DLGAP1: variants seen among roughly 807,000 people sequenced by gnomAD.
DLGAP1 encodes DLG associated protein 1, also known as disks large-associated protein 1.
A neutral mutation model predicts 90.8 loss-of-function variants in DLGAP1; 11 were observed. That is an observed-to-expected ratio of 0.12 (90% CI 0.08 to 0.20). The LOEUF is 0.20. Ranked by LOEUF, DLGAP1 falls within the 10% of genes least tolerant of loss-of-function variation. DLGAP1 has a pLI of 1.00. For synonymous variants in DLGAP1, 558 were observed against 540.7 expected (o/e 1.03, Z -0.44); for missense variants, 1,050 against 1,333.8 (o/e 0.79, Z 3.31).
At chr18:3,913,837 A>C (rs2072085757) in intron 3 of DLGAP1, among the ~76,000 whole-genome samples, 1 of 152,242 alleles carries the variant, frequency 6.6e-6, no homozygotes, top group African/African-American at 2.4e-5. Context: ...GGAACATTAC[A>C]TGAAACATTA....
At chr18:3,984,125 A>G (rs1432494295) in intron 3 of DLGAP1, 1 of 152,208 alleles carries the variant, frequency 6.6e-6, no homozygotes, top group Non-Finnish European at 1.5e-5. Flanking sequence ...GAAAATCCTA[A>G]GACAAAGCAC....
chr18:4,133,367 G>A (rs1163492257), intron 2 of DLGAP1, among the ~76,000 whole-genome samples: 3 of 152,160 alleles, frequency 2.0e-5, no homozygotes, highest in South Asian at 4.1e-4. Flanking sequence ...TTGCCTATCA[G>A]AACTATTTAG....
intron 2 of DLGAP1, among the ~76,000 whole-genome samples, chr18:4,120,836 A>G (rs563110577): frequency 6.7e-5 from 10 of 148,538 alleles, no homozygotes; most frequent in African/African-American, 2.0e-4. Flanking sequence ...TTATTAATTC[A>G]CCAAATATTT....
chr18:4,104,145 T>A (rs1247602021), intron 2 of DLGAP1, among the ~76,000 whole-genome samples: 1 of 151,966 alleles, frequency 6.6e-6, no homozygotes, highest in Non-Finnish European at 1.5e-5. Context: ...AATATAAAAA[T>A]TATTTGTTTC....
At chr18:4,354,887 CAAAAAAAAAAAAAAAAAAA>C (rs60379984) in intron 1 of DLGAP1, among the ~76,000 whole-genome samples, 16 of 23,874 alleles carry the variant, frequency 6.7e-4, no homozygotes, top group East Asian at 5.9e-3. Context: ...TTACTCTCAC[CAAAAAAAAAAAAAAAAAAA>C]AAAAAAAAAA....
intron 10 of DLGAP1, among the ~76,000 whole-genome samples, chr18:3,529,698 G>A (rs1254694429): frequency 6.6e-6 from 1 of 152,136 alleles, no homozygotes; most frequent in African/African-American, 2.4e-5. Flanking sequence ...AATGTGGGAA[G>A]TACCTGAAGG....
intron 3 of DLGAP1, among the ~76,000 whole-genome samples, chr18:3,936,334 T>C (rs529106771): frequency 6.6e-6 from 1 of 152,324 alleles, no homozygotes; most frequent in South Asian, 2.1e-4. Flanking sequence ...TGCTCTACAA[T>C]TTGCCCCCAA....
intron 3 of DLGAP1, among the ~76,000 whole-genome samples, chr18:3,891,509 C>T (rs989790109): frequency 6.6e-6 from 1 of 152,270 alleles, no homozygotes; most frequent in Admixed American, 6.5e-5. Flanking sequence ...TCCAGCTGCC[C>T]TAAGCCCTCA....
At chr18:4,263,373 T>C (rs554884358) in intron 1 of DLGAP1, among the ~76,000 whole-genome samples, 1 of 152,350 alleles carries the variant, frequency 6.6e-6, no homozygotes, top group Admixed American at 6.5e-5. Flanking sequence ...AAAATGCCCA[T>C]ATATGAGATT....
chr18:3,620,714 C>T (rs915338918), intron 7 of DLGAP1, among the ~76,000 whole-genome samples: 5 of 152,052 alleles, frequency 3.3e-5, no homozygotes, highest in African/African-American at 4.8e-5. Flanking sequence ...CCCACTACCA[C>T]GCCCGGCTGA....
At chr18:3,719,999 A>T (rs1275213442) in intron 7 of DLGAP1, among the ~76,000 whole-genome samples, 1 of 152,236 alleles carries the variant, frequency 6.6e-6, no homozygotes, top group African/African-American at 2.4e-5. Flanking sequence ...AGTCTTATCC[A>T]GAAATTCAGG....
At chr18:3,962,989 G>C (rs2073234893) in intron 3 of DLGAP1, among the ~76,000 whole-genome samples, 1 of 152,114 alleles carries the variant, frequency 6.6e-6, no homozygotes, top group Admixed American at 6.5e-5. Flanking sequence ...ATCTATTCAT[G>C]CTCATGTTGA....
intron 10 of DLGAP1, among the ~76,000 whole-genome samples, chr18:3,513,281 G>C (rs532870007): frequency 6.6e-6 from 1 of 152,252 alleles, no homozygotes; most frequent in South Asian, 2.1e-4. Flanking sequence ...TGTGATTTCT[G>C]TTTATTTATG....
At chr18:4,280,862 G>T (rs2145428396) in intron 1 of DLGAP1, 1 of 152,254 alleles carries the variant, frequency 6.6e-6, no homozygotes, top group Non-Finnish European at 1.5e-5. Context: ...CTTTGATAAA[G>T]AATTCTGAGA....
intron 7 of DLGAP1, among the ~76,000 whole-genome samples, chr18:3,670,076 G>GA (rs1404561539): frequency 6.6e-6 from 1 of 152,092 alleles, no homozygotes; most frequent in Non-Finnish European, 1.5e-5. Context: ...ATAACGATAG[G>GA]AAAAGAGTAT....
chr18:3,512,458 C>T (rs532356174), intron 10 of DLGAP1, among the ~76,000 whole-genome samples: 119 of 152,224 alleles, frequency 7.8e-4, no homozygotes, highest in Non-Finnish European at 1.2e-3. Context: ...TTATAAACTC[C>T]CCCACTTATA....
intron 1 of DLGAP1, among the ~76,000 whole-genome samples, chr18:4,243,989 A>C (rs2078600625): frequency 6.6e-6 from 1 of 152,198 alleles, no homozygotes; most frequent in South Asian, 2.1e-4. Flanking sequence ...CCCATGGTGT[A>C]ACTTCATCGA....
intron 3 of DLGAP1, among the ~76,000 whole-genome samples, chr18:3,982,167 G>A (rs569599771): frequency 6.6e-6 from 1 of 152,186 alleles, no homozygotes; most frequent in South Asian, 2.1e-4. Context: ...TCTTTTGAAA[G>A]AAAAAAATCA....
intron 1 of DLGAP1, among the ~76,000 whole-genome samples, chr18:4,406,537 C>T (rs2082668366): frequency 6.6e-6 from 1 of 152,160 alleles, no homozygotes; most frequent in South Asian, 2.1e-4. Context: ...ACTGAGAACA[C>T]TGAGGTTAAC....
Sources: gnomAD v4.1 joint callset for allele counts (sites outside exome capture counted in the v4.1 genomes callset) on GRCh38, gnomAD v4.1.1 for gene constraint, MANE v1.5 for transcripts, NCBI Gene and HGNC (gene_info 2026-07-23, HGNC 2026-07-21) for gene names.